Variants in LRP11 observed in about 807,000 individuals in gnomAD.
LRP11 encodes LDL receptor related protein 11.
LRP11 carries 25 observed loss-of-function variants against 43.1 expected under a neutral mutation model. That is an observed-to-expected ratio of 0.58 (90% CI 0.42 to 0.81). The LOEUF is 0.81. LRP11 is among the 30% of genes least tolerant of loss of function. The pLI is 0.00. For missense variants in LRP11, 623 were observed against 665.1 expected (o/e 0.94, Z 0.70); for synonymous variants, 316 against 299.4 (o/e 1.06, Z -0.57).
chr6:149,863,466 G>A lies in LRP11; in HGVS notation c.555C>T (p.Ser185=), dbSNP rs1286731473. The change falls in exon 1 of 7, where the codon AGC becomes AGT. Residue 185 remains serine (S), a synonymous_variant. Transcript: ENST00000239367. The stretch of plus-strand genomic sequence containing the variant: ...CGGCGCCGTCCGGCGCGCGGCTGAG[G>A]CTGTAGCTGCTGTAGCCGCTGTGCA... ...FALHSGYSSY[S]LSRAPDGAAL... 5 of 1,337,716 alleles carry A rather than the reference G, an allele frequency of 3.7e-6. No homozygotes were observed. The African/African-American group carries it at 7.7e-5, about 21-fold the overall frequency. The allele number at this position is 1,337,716 out of a possible 1,614,324, so 82.9% of individuals were successfully genotyped here.
intron 5 of LRP11, among the ~76,000 whole-genome samples, chr6:149,833,664 A>G (rs892768412): frequency 6.6e-6 from 1 of 152,208 alleles, no homozygotes; most frequent in African/African-American, 2.4e-5. Flanking sequence ...GTAAATCCAT[A>G]TTATTTTAAT....
rs549483778 is a variant in LRP11, at chr6:149,825,708, T to A, written c.1348+556A>T. ...TCTCACTCTGTCACCCAGGCTGGAG[T>A]GCAGTGGCACAATCTTATCTCACTG... On this transcript the variant is annotated intron_variant, in intron 6 of 6. Transcript: ENST00000239367. Among the ~76,000 whole-genome samples the A allele has an allele frequency of 4.0e-5, 6 of 150,120 alleles. No homozygotes were observed. The South Asian group carries it at 1.3e-3, about 32-fold the overall frequency.
At chr6:149,851,105 T>C (rs1224723483) in intron 2 of LRP11, among the ~76,000 whole-genome samples, 1 of 152,214 alleles carries the variant, frequency 6.6e-6, no homozygotes, top group Non-Finnish European at 1.5e-5. Flanking sequence ...GTACAGGCCC[T>C]GTCATTTAGA....
At position 149,837,373 on chromosome 6, in the gene LRP11, CACTGCTGCA is replaced by C. The variant is rs1776486946; in HGVS notation, c.995_1003del (p.Val332_Cys335delinsGly). 1.2e-6 allele frequency: 2 copies of C among 1,614,094 alleles called. No homozygotes were observed. Among genetic ancestry groups the C allele is most frequent in the African/African-American group, 2.7e-5 (2 of 75,018 alleles). On this transcript the variant is annotated inframe_deletion, in exon 4 of 7. Coordinates refer to ENST00000239367, the MANE Select transcript of LRP11 (RefSeq NM_032832.6). ...GAAGTCTTCATCAGACCCATCAGGACACTGCTGCACTCCATCGCAGGCGAGCGTGATGTC... is the reference window on the plus strand; with the variant it reads ...GAAGTCTTCATCAGACCCATCAGGACCTCCATCGCAGGCGAGCGTGATGTC...
chr6:149,848,251 A>G lies in LRP11; in HGVS notation c.771+4752T>C, dbSNP rs1325122124. On this transcript the variant is annotated intron_variant, in intron 2 of 6. Transcript: ENST00000239367. ...AGGTTGTGGAGCAAAGGGAACACTT[A>G]CACACTGCTGGTGGGAGTGCAAATT... 5.9e-5 allele frequency among the ~76,000 whole-genome samples: 9 copies of G among 152,196 alleles called. No individual in the cohort carries two copies. The South Asian group carries it at 1.9e-3, about 32-fold the overall frequency.
intron 3 of LRP11, among the ~76,000 whole-genome samples, chr6:149,841,711 G>A (rs2115390461): frequency 6.6e-6 from 1 of 152,228 alleles, no homozygotes; most frequent in South Asian, 2.1e-4. Context: ...TCAGGAATTC[G>A]AGACCAGGTT....
chr6:149,823,517 C>CATTTGGGGG (rs1776302642), intron 6 of LRP11, among the ~76,000 whole-genome samples: 1 of 152,070 alleles, frequency 6.6e-6, no homozygotes, highest in Admixed American at 6.6e-5. Context: ...TGAGTTTTTA[C>CATTTGGGGG]ATTTGGGGGG....
intron 3 of LRP11, 82 bp downstream of exon 3, chr6:149,842,901 A>G: frequency 6.7e-7 from 1 of 1,494,264 alleles, no homozygotes; most frequent in Admixed American, 1.7e-5. Flanking sequence ...GAGCCCATGG[A>G]GCGCAGAGCC....
rs79758007 is a variant in LRP11 at position 149,831,046 on chromosome 6, C to T, written c.1253-4687G>A. ...ACAGGCTCTAGCCAGTGTGGCGAAT[C>T]GAAACAAAACAAAACAATGACATCA... On this transcript the variant is annotated intron_variant, in intron 5 of 6. Transcript: ENST00000239367. 1.4e-3 allele frequency among the ~76,000 whole-genome samples: 213 copies of T among 152,286 alleles called. 1 individual carries two copies. The highest frequency in any genetic ancestry group is 2.4e-3 in the Non-Finnish European group (163 of 68,028).
Position 149,864,199 on chromosome 6 carries a change from G to C in LRP11, c.-179C>G. ...CCCCCGAGGTCGCGGGCGCCGGCGG[G>C]AACCGCAGTAGCGGGAGACATAGCC... is the stretch of plus-strand genomic sequence containing the variant. On this transcript the variant is annotated 5_prime_UTR_variant, in exon 1 of 7. Coordinates refer to ENST00000239367, the MANE Select transcript of LRP11 (RefSeq NM_032832.6). 1.8e-6 allele frequency: 2 copies of C among 1,120,890 alleles called. No homozygotes were observed. The highest frequency in any genetic ancestry group is 2.2e-6 in the Non-Finnish European group (2 of 918,380). 69.4% of individuals were successfully genotyped at this position (1,120,890 alleles called of 1,614,324 possible). A position where few individuals can be genotyped will look rare whatever the true frequency, so the allele number is the denominator to read the frequency against.
intron 2 of LRP11, among the ~76,000 whole-genome samples, chr6:149,849,954 C>T (rs1459679397): frequency 6.6e-6 from 1 of 152,074 alleles, no homozygotes; most frequent in Non-Finnish European, 1.5e-5. Flanking sequence ...CTTAAAGTAT[C>T]ACGAGGCAAA....
chr6:149,844,601 T>TTAA (rs1776603958), intron 2 of LRP11, among the ~76,000 whole-genome samples: 1 of 152,260 alleles, frequency 6.6e-6, no homozygotes, highest in Non-Finnish European at 1.5e-5. Flanking sequence ...TTTAATATTC[T>TTAA]ATTTAAAAAA....
chr6:149,847,858 C>T (rs1056170142), intron 2 of LRP11, among the ~76,000 whole-genome samples: 1 of 147,572 alleles, frequency 6.8e-6, no homozygotes, highest in Non-Finnish European at 1.5e-5. Context: ...CACACACACA[C>T]ACACACACAC....
intron 3 of LRP11, 194 bp downstream of exon 3, chr6:149,842,789 C>A: frequency 1.6e-6 from 2 of 1,245,760 alleles, no homozygotes; most frequent in South Asian, 1.4e-5. Flanking sequence ...CCACCCCAAC[C>A]CAGTAGCATC....
At chr6:149,828,577 T>C (rs1023264679) in intron 5 of LRP11, among the ~76,000 whole-genome samples, 1 of 151,770 alleles carries the variant, frequency 6.6e-6, no homozygotes, top group Non-Finnish European at 1.5e-5. Context: ...CAGCCTCGAC[T>C]TCCCAGGCTC....
At chr6:149,832,031 G>A (rs935878174) in intron 5 of LRP11, among the ~76,000 whole-genome samples, 27 of 152,182 alleles carry the variant, frequency 1.8e-4, no homozygotes, top group African/African-American at 5.8e-4. Context: ...GCTACCAGCA[G>A]AGTGTGAGAC....
chr6:149,824,564 A>G (rs973563170), intron 6 of LRP11, among the ~76,000 whole-genome samples: 16 of 152,204 alleles, frequency 1.1e-4, no homozygotes, highest in Admixed American at 4.6e-4. Context: ...GGTGACATTT[A>G]AAATATGTAA....
intron 6 of LRP11, among the ~76,000 whole-genome samples, chr6:149,822,711 C>T (rs1026571126): frequency 2.6e-5 from 4 of 152,148 alleles, no homozygotes; most frequent in Admixed American, 6.5e-5. Context: ...AAGTGTTATA[C>T]TTACTATGAT....
intron 6 of LRP11, among the ~76,000 whole-genome samples, chr6:149,823,239 T>G (rs1776298887): frequency 6.6e-6 from 1 of 152,150 alleles, no homozygotes; most frequent in African/African-American, 2.4e-5. Context: ...GCCCCCTGGA[T>G]TTAGCAATTG....
Sources: gnomAD v4.1 joint callset for allele counts (sites outside exome capture counted in the v4.1 genomes callset) on GRCh38, gnomAD v4.1.1 for gene constraint, MANE v1.5 for transcripts, NCBI Gene and HGNC (gene_info 2026-07-23, HGNC 2026-07-21) for gene names.